The following CPVL variants were observed in gnomAD, a reference collection of about 807,000 sequenced individuals.
CPVL encodes the protein carboxypeptidase vitellogenic like, also known as probable serine carboxypeptidase CPVL.
CPVL carries 51 observed loss-of-function variants against 63.7 expected under a neutral mutation model. The observed-to-expected ratio is 0.80, with a 90% CI of 0.64 to 1.01. The LOEUF (loss-of-function observed/expected upper bound fraction) is 1.01. CPVL is among the 50% of genes least tolerant of loss of function. The probability of loss-of-function intolerance (pLI) is 0.00; values close to 1 mark genes in which losing one functional copy is unlikely to be tolerated. For synonymous variants in CPVL, 195 were observed against 206.0 expected (o/e 0.95, Z 0.46); for missense variants, 530 against 573.1 (o/e 0.92, Z 0.77).
intron 11 of CPVL, among the ~76,000 whole-genome samples, chr7:29,045,750 T>C (rs1015253984): frequency 2.0e-5 from 3 of 152,222 alleles, no homozygotes; most frequent in Non-Finnish European, 2.9e-5. Flanking sequence ...CCATCAACAT[T>C]TTGCCATCAA....
intron 3 of CPVL, among the ~76,000 whole-genome samples, chr7:29,109,392 A>G (rs540320790): frequency 5.3e-5 from 8 of 152,154 alleles, no homozygotes; most frequent in Admixed American, 4.6e-4. Flanking sequence ...CTCTACCTTC[A>G]GTTTTTTAAA....
intron 4 of CPVL, among the ~76,000 whole-genome samples, chr7:29,095,425 C>A (rs1786304765): frequency 6.6e-6 from 1 of 152,062 alleles, no homozygotes; most frequent in Non-Finnish European, 1.5e-5. Flanking sequence ...TGAAAAAACA[C>A]CCACCAACCA....
chr7:29,085,345 C>G (rs548248332), intron 7 of CPVL, among the ~76,000 whole-genome samples: 1 of 152,124 alleles, frequency 6.6e-6, no homozygotes, highest in South Asian at 2.1e-4. Context: ...TCCCAGTGAC[C>G]AAATTTAAAG....
chr7:29,189,519 A>G (rs1799137075), intron 1 of CPVL, among the ~76,000 whole-genome samples: 1 of 152,146 alleles, frequency 6.6e-6, no homozygotes, highest in Non-Finnish European at 1.5e-5. Context: ...AGTTTATCCT[A>G]GATTTCTCTT....
chr7:29,040,537 C>T (rs1184861880), intron 11 of CPVL, among the ~76,000 whole-genome samples: 1 of 152,100 alleles, frequency 6.6e-6, no homozygotes, highest in Non-Finnish European at 1.5e-5. Flanking sequence ...CCAAGGCCTG[C>T]TTGAAGAAGA....
rs35631871 is a variant in CPVL at position 29,037,552 on chromosome 7, C to CAA, written c.1138-6795_1138-6794dup. Among the ~76,000 whole-genome samples, 235 of 56,098 alleles carry CAA rather than the reference C, an allele frequency of 4.2e-3. 4 individuals carry two copies. Among genetic ancestry groups the CAA allele is most frequent in the South Asian group, 6.6e-3 (9 of 1,362 alleles). The allele number at this position is 56,098 out of a possible 152,430, so 36.8% of individuals were successfully genotyped here. A position where few individuals can be genotyped will look rare whatever the true frequency, so the allele number is the denominator to read the frequency against. Reference sequence around the variant, plus strand: ...TGGGTGACAGAGTGAGACTCCATCTCAAAAAAAAAAAAAAAAAAAAGAAAA... The same window carrying CAA: ...TGGGTGACAGAGTGAGACTCCATCTCAAAAAAAAAAAAAAAAAAAAAAGAAAA... On this transcript the variant is annotated intron_variant, in intron 11 of 12. Coordinates refer to ENST00000265394, the MANE Select transcript of CPVL (RefSeq NM_031311.5).
At chr7:29,070,351 C>T (rs1168324410) in intron 9 of CPVL, among the ~76,000 whole-genome samples, 1 of 152,130 alleles carries the variant, frequency 6.6e-6, no homozygotes, top group Non-Finnish European at 1.5e-5. Flanking sequence ...TAAATATGGG[C>T]CTCTCAAATG....
At chr7:29,127,292 C>T (rs541721828) in intron 1 of CPVL, among the ~76,000 whole-genome samples, 27 of 152,314 alleles carry the variant, frequency 1.8e-4, no homozygotes, top group African/African-American at 5.8e-4. Flanking sequence ...AGGGCCATGC[C>T]TGTGACTAAA....
At chr7:29,175,511 A>G (rs1449324067) in intron 5 of CPVL, among the ~76,000 whole-genome samples, 1 of 151,840 alleles carries the variant, frequency 6.6e-6, no homozygotes, top group Non-Finnish European at 1.5e-5. Context: ...TTCCCCTTTC[A>G]CTTGGCTCTC....
chr7:29,150,366 G>A (rs551552995), upstream of CPVL, among the ~76,000 whole-genome samples: 37 of 152,278 alleles, frequency 2.4e-4, no homozygotes, highest in Non-Finnish European at 1.5e-4. Context: ...TCAAAAAATG[G>A]CAGCTGTAAC....
intron 5 of CPVL, among the ~76,000 whole-genome samples, chr7:29,173,741 G>A (rs1379705489): frequency 2.7e-5 from 4 of 150,924 alleles, no homozygotes; most frequent in Admixed American, 6.6e-5. Context: ...TCAGGTGCCC[G>A]GCCTGTCCAA....
chr7:29,108,385 T>TA (rs1787931960), intron 3 of CPVL, among the ~76,000 whole-genome samples: 1 of 152,336 alleles, frequency 6.6e-6, no homozygotes, highest in South Asian at 2.1e-4. Flanking sequence ...ATGCTGACTT[T>TA]AAAGAGTAAT....
intron 5 of CPVL, among the ~76,000 whole-genome samples, chr7:29,162,554 G>T (rs1044210172): frequency 6.6e-6 from 1 of 151,960 alleles, no homozygotes; most frequent in Non-Finnish European, 1.5e-5. Flanking sequence ...CCAACTACTT[G>T]GGAGGCTGAG....
chr7:29,069,642 T>C (rs550034880), intron 9 of CPVL, among the ~76,000 whole-genome samples: 1 of 152,186 alleles, frequency 6.6e-6, no homozygotes, highest in South Asian at 2.1e-4. Context: ...AAAATTACCA[T>C]AGGATAAATA....
At chr7:29,093,886 G>T (rs898470134) in intron 5 of CPVL, among the ~76,000 whole-genome samples, 1 of 152,198 alleles carries the variant, frequency 6.6e-6, no homozygotes, top group Non-Finnish European at 1.5e-5. Context: ...AAAAGTGAGA[G>T]AAGTTAAAGA....
Position 29,037,320 on chromosome 7 carries a change from G to A in CPVL, c.1138-6561C>T, listed in dbSNP as rs538652058. Reference sequence around the variant, plus strand: ...AGCACTTTGGGAGGCCGAGGTGGGCGGATCACAAGGTCAGGAGATGGAGAC... The same window carrying A: ...AGCACTTTGGGAGGCCGAGGTGGGCAGATCACAAGGTCAGGAGATGGAGAC... On this transcript the variant is annotated intron_variant, in intron 11 of 12. Coordinates refer to ENST00000265394, the MANE Select transcript of CPVL (RefSeq NM_031311.5). Among the ~76,000 whole-genome samples the A allele has an allele frequency of 9.9e-5, 15 of 151,842 alleles. No individual in the cohort carries two copies. The South Asian group carries it at 2.9e-3, about 30-fold the overall frequency.
At chr7:29,081,350 A>G (rs1176509348) in intron 7 of CPVL, 2 of 152,240 alleles carry the variant, frequency 1.3e-5, no homozygotes, top group African/African-American at 2.4e-5. Context: ...GAGAAAATTA[A>G]TTCCAGTTGG....
upstream of CPVL, among the ~76,000 whole-genome samples, chr7:29,148,024 G>A (rs758097530): frequency 3.3e-5 from 5 of 152,168 alleles, no homozygotes; most frequent in Admixed American, 1.3e-4. Flanking sequence ...GCTCGGTCAA[G>A]CTTCCCAGAA....
chr7:29,146,586 G>T, upstream of CPVL: 1 of 1,549,506 alleles, frequency 6.5e-7, no homozygotes, highest in South Asian at 1.2e-5. Flanking sequence ...AGGCTCACAT[G>T]ACCCAGACCC....
Sources: allele counts gnomAD v4.1 joint callset (sites outside exome capture counted in the v4.1 genomes callset), GRCh38; gene constraint gnomAD v4.1.1; transcripts MANE v1.5; gene names NCBI Gene and HGNC (gene_info 2026-07-23, HGNC 2026-07-21).